The following SUCLG2 variants were observed in gnomAD, a reference collection of about 807,000 sequenced individuals.
SUCLG2 encodes succinate-CoA ligase GDP-forming subunit beta.
SUCLG2 carries 42 observed loss-of-function variants against 47.9 expected under a neutral mutation model. The observed-to-expected ratio is 0.88, with a 90% CI of 0.69 to 1.14. The LOEUF is 1.14. SUCLG2 is among the 50% of genes most tolerant of loss of function. The pLI is 0.00. For missense variants in SUCLG2, 571 were observed against 525.9 expected (o/e 1.09, Z -0.84); for synonymous variants, 195 against 197.3 (o/e 0.99, Z 0.10).
chr3:67,531,490 G>A (rs2107152281), intron 2 of SUCLG2, among the ~76,000 whole-genome samples: 2 of 151,548 alleles, frequency 1.3e-5, no homozygotes, highest in Non-Finnish European at 2.9e-5. Flanking sequence ...CACAGAAAGA[G>A]TTGTATCCTC....
In SUCLG2 at chr3:67,441,186, T is replaced by C. The variant is rs1301470966; in HGVS notation, c.1063-40335A>G. 2.0e-5 allele frequency among the ~76,000 whole-genome samples: 3 copies of C among 149,804 alleles called. No individual in the cohort carries two copies. The East Asian group carries it at 5.9e-4, about 30-fold the overall frequency. ...GTAGGAGTTGAACAATGAGAACACA[T>C]GGACACAGGGAGGGGAACATCACAC... On this transcript the variant is annotated intron_variant, in intron 9 of 10. Coordinates refer to ENST00000307227, the MANE Select transcript of SUCLG2 (RefSeq NM_003848.4).
chr3:67,380,530 A>G (rs1290690364), intron 10 of SUCLG2, among the ~76,000 whole-genome samples: 2 of 152,178 alleles, frequency 1.3e-5, no homozygotes, highest in Non-Finnish European at 1.5e-5. Context: ...TTTAATTACC[A>G]CCTTAATTAT....
At chr3:67,461,639 T>C (rs1704338270) in intron 9 of SUCLG2, among the ~76,000 whole-genome samples, 1 of 151,822 alleles carries the variant, frequency 6.6e-6, no homozygotes, top group Admixed American at 6.6e-5. Flanking sequence ...GAAAATGCCT[T>C]GTTATGGTGA....
chr3:67,579,986 G>C (rs1707840565), intron 2 of SUCLG2, among the ~76,000 whole-genome samples: 1 of 151,876 alleles, frequency 6.6e-6, no homozygotes, highest in Admixed American at 6.6e-5. Context: ...TCAAGGAGGT[G>C]AGTCAACAAA....
chr3:67,506,107 G>A (rs1179874245), intron 7 of SUCLG2, among the ~76,000 whole-genome samples: 1 of 152,158 alleles, frequency 6.6e-6, no homozygotes, highest in African/African-American at 2.4e-5. Context: ...ACCGTGAAAT[G>A]TTCTGCTACT....
intron 9 of SUCLG2, among the ~76,000 whole-genome samples, chr3:67,493,359 A>G (rs781511431): frequency 2.0e-5 from 3 of 152,214 alleles, no homozygotes; most frequent in Non-Finnish European, 2.9e-5. Context: ...CATGAGAAAA[A>G]TAAAATAACT....
chr3:67,578,064 A>T (rs1707788397), intron 2 of SUCLG2, among the ~76,000 whole-genome samples: 1 of 151,954 alleles, frequency 6.6e-6, no homozygotes, highest in African/African-American at 2.4e-5. Flanking sequence ...CTGGGCTTTT[A>T]TCTCTGATTT....
intron 4 of SUCLG2, among the ~76,000 whole-genome samples, chr3:67,526,980 CAT>C (rs1559558576): frequency 1.8e-4 from 27 of 152,242 alleles, no homozygotes. Flanking sequence ...ACATCCATAT[CAT>C]AGATTGCTAC....
At chr3:67,611,739 G>GA (rs1700530753) in intron 1 of SUCLG2, among the ~76,000 whole-genome samples, 1 of 152,152 alleles carries the variant, frequency 6.6e-6, no homozygotes, top group African/African-American at 2.4e-5. Context: ...CTTTTCATCA[G>GA]AACACTCGCC....
chr3:67,609,322 C>G, intron 2 of SUCLG2, 133 bp downstream of exon 2: 1 of 1,023,670 alleles, frequency 9.8e-7, no homozygotes, highest in East Asian at 2.6e-5. Context: ...TTTGCTTTTG[C>G]AGTTCTAAGC....
At chr3:67,568,074 T>C (rs949728407) in intron 2 of SUCLG2, among the ~76,000 whole-genome samples, 1 of 152,170 alleles carries the variant, frequency 6.6e-6, no homozygotes, top group Non-Finnish European at 1.5e-5. Flanking sequence ...ACTTCTGTTG[T>C]GTGTGTGAGA....
chr3:67,542,730 C>T (rs958637780), intron 2 of SUCLG2, among the ~76,000 whole-genome samples: 2 of 152,140 alleles, frequency 1.3e-5, no homozygotes, highest in African/African-American at 4.8e-5. Context: ...CAAAGAAGGG[C>T]ATTACATAAT....
chr3:67,419,740 A>T (rs1271600828), intron 9 of SUCLG2, among the ~76,000 whole-genome samples: 1 of 152,150 alleles, frequency 6.6e-6, no homozygotes, highest in Non-Finnish European at 1.5e-5. Flanking sequence ...ATTTACAATG[A>T]TTTAAAAACT....
intron 9 of SUCLG2, among the ~76,000 whole-genome samples, chr3:67,472,444 T>G (rs536777456): frequency 6.6e-6 from 1 of 152,346 alleles, no homozygotes; most frequent in East Asian, 1.9e-4. Flanking sequence ...TTTTACATTT[T>G]ATCACAATGG....
At chr3:67,479,234 G>A (rs1306453917) in intron 9 of SUCLG2, among the ~76,000 whole-genome samples, 3 of 151,750 alleles carry the variant, frequency 2.0e-5, no homozygotes, top group Admixed American at 6.6e-5. Context: ...GTCACATGCT[G>A]ATTCTCTGAC....
At chr3:67,528,674 T>G (rs776714265) in intron 3 of SUCLG2, among the ~76,000 whole-genome samples, 1 of 152,010 alleles carries the variant, frequency 6.6e-6, no homozygotes, top group Non-Finnish European at 1.5e-5. Context: ...ATGCAGGAGA[T>G]GAAGTTGAAA....
In SUCLG2 at chr3:67,605,661, C is replaced by T. The variant is rs931833013; in HGVS notation, c.226+3794G>A. Among the ~76,000 whole-genome samples the T allele has an allele frequency of 3.8e-4, 58 of 152,150 alleles. 1 individual carries two copies. Among genetic ancestry groups the T allele is most frequent in the African/African-American group, 1.3e-3 (53 of 41,512 alleles). On this transcript the variant is annotated intron_variant, in intron 2 of 10. Coordinates refer to ENST00000307227, the MANE Select transcript of SUCLG2 (RefSeq NM_003848.4). ...CATAGATATGCACTGGTGAAACCTG[C>T]ATGCACACACACTCACACACTCCTA...
downstream of SUCLG2, among the ~76,000 whole-genome samples, chr3:67,370,358 CT>C (rs1424398988): frequency 3.3e-5 from 5 of 152,048 alleles, no homozygotes; most frequent in Admixed American, 3.3e-4. Context: ...GTCCAAAATT[CT>C]TTTAAAAAAA....
intron 9 of SUCLG2, among the ~76,000 whole-genome samples, chr3:67,447,601 G>C (rs1259463375): frequency 2.6e-5 from 4 of 152,172 alleles, no homozygotes; most frequent in African/African-American, 9.7e-5. Context: ...AGGAAGCTTT[G>C]ACTCCCACAA....
Sources: allele counts gnomAD v4.1 joint callset (sites outside exome capture counted in the v4.1 genomes callset), GRCh38; gene constraint gnomAD v4.1.1; transcripts MANE v1.5; gene names NCBI Gene and HGNC (gene_info 2026-07-23, HGNC 2026-07-21).